DENND5B: variants seen among roughly 807,000 people sequenced by gnomAD.
DENND5B encodes the protein DENN domain-containing protein 5B.
A neutral mutation model predicts 140.6 loss-of-function variants in DENND5B; 34 were observed. That is an observed-to-expected ratio of 0.24 (90% confidence interval 0.18 to 0.32). DENND5B has a LOEUF of 0.32. Ranked by LOEUF, DENND5B falls within the 10% of genes least tolerant of loss-of-function variation. The pLI is 1.00. For synonymous variants in DENND5B, 551 were observed against 562.1 expected, an observed-to-expected ratio of 0.98 and a Z score of 0.28; for missense variants, 1,142 against 1,560.2, an observed-to-expected ratio of 0.73 and a Z score of 4.52.
intron 1 of DENND5B, among the ~76,000 whole-genome samples, chr12:31,568,380 G>A (rs1405185814): frequency 2.6e-5 from 4 of 152,188 alleles, no homozygotes; most frequent in African/African-American, 9.6e-5. Flanking sequence ...TACTCAACCT[G>A]TATTGGGAAT....
At position 31,590,911 on chromosome 12, in the gene DENND5B, C is replaced by T. The variant is rs1950598095; in HGVS notation, c.-79G>A. On this transcript the variant is annotated 5_prime_UTR_variant, in exon 1 of 21. Coordinates refer to ENST00000389082, the MANE Select transcript of DENND5B (RefSeq NM_144973.4). ...GCGGAGGCTGCCACCACCGCTCCGG[C>T]TGTGGTCTGTGCGCCCGCCCTAGGG... is the stretch of plus-strand genomic sequence containing the variant. The T allele has an allele frequency of 4.1e-5, 47 of 1,154,044 alleles. No homozygotes were observed. Among genetic ancestry groups the T allele is most frequent in the Non-Finnish European group, 5.0e-5 (47 of 939,630 alleles). The allele number at this position is 1,154,044 out of a possible 1,614,324, so 71.5% of individuals were successfully genotyped here. A position where few individuals can be genotyped will look rare whatever the true frequency, so the allele number is the denominator to read the frequency against.
At chr12:31,463,877 G>C (rs1029373394) in intron 3 of DENND5B, among the ~76,000 whole-genome samples, 1 of 151,924 alleles carries the variant, frequency 6.6e-6, no homozygotes, top group Non-Finnish European at 1.5e-5. Context: ...CATGTTGGCC[G>C]GGCTGGTCTC....
chr12:31,525,410 A>T (rs1948051769), intron 1 of DENND5B, among the ~76,000 whole-genome samples: 1 of 152,230 alleles, frequency 6.6e-6, no homozygotes, highest in Non-Finnish European at 1.5e-5. Context: ...GAAAATATGC[A>T]AAGTGAAAGA....
intron 14 of DENND5B, among the ~76,000 whole-genome samples, chr12:31,408,282 G>C (rs1028517354): frequency 1.3e-5 from 2 of 151,956 alleles, no homozygotes; most frequent in African/African-American, 4.8e-5. Context: ...CTAGGTGACA[G>C]AGCCAGACAC....
In DENND5B at chr12:31,590,947, GC is replaced by G; in HGVS notation, c.-116del. 1 of 1,084,976 alleles carries G rather than the reference GC, an allele frequency of 9.2e-7. No homozygotes were observed. Among genetic ancestry groups the G allele is most frequent in the East Asian group, 5.1e-5 (1 of 19,706 alleles). The allele number at this position is 1,084,976 out of a possible 1,614,324, so 67.2% of individuals were successfully genotyped here. A position where few individuals can be genotyped will look rare whatever the true frequency, so the allele number is the denominator to read the frequency against. On this transcript the variant is annotated 5_prime_UTR_variant, in exon 1 of 21. The change abolishes the stop of an existing upstream ORF in the 5' untranslated region. Coordinates refer to ENST00000389082, the MANE Select transcript of DENND5B (RefSeq NM_144973.4). ...GCGCCCGCCCTAGGGCGACACTGGC[GC>G]GCCCATGGCCGCGCAGCCGCCTCTC...
chr12:31,441,536 A>G (rs933545125), intron 7 of DENND5B, among the ~76,000 whole-genome samples: 4 of 150,960 alleles, frequency 2.6e-5, no homozygotes, highest in African/African-American at 9.8e-5. Context: ...CAGGCTGGAT[A>G]ATAGTGGTGA....
chr12:31,567,623 T>C (rs1376863797), intron 1 of DENND5B, among the ~76,000 whole-genome samples: 2 of 151,872 alleles, frequency 1.3e-5, no homozygotes, highest in Non-Finnish European at 1.5e-5. Context: ...AGAGTGATAT[T>C]CCTAAGGCTA....
intron 14 of DENND5B, among the ~76,000 whole-genome samples, chr12:31,408,679 T>TTGAATGA (rs1447850886): frequency 5.3e-5 from 8 of 150,900 alleles, no homozygotes; most frequent in African/African-American, 9.7e-5. Flanking sequence ...CCTTCCAAAG[T>TTGAATGA]TGAATGATGT....
chr12:31,402,021 T>C (rs113172280), intron 15 of DENND5B, among the ~76,000 whole-genome samples: 2,496 of 140,452 alleles, frequency 0.018, 71 homozygotes, highest in African/African-American at 0.062. Flanking sequence ...TTGCAACGAG[T>C]GAAGATCACA....
intron 1 of DENND5B, among the ~76,000 whole-genome samples, chr12:31,516,922 G>C (rs1198057626): frequency 1.3e-5 from 2 of 152,184 alleles, no homozygotes; most frequent in Non-Finnish European, 2.9e-5. Context: ...CTGGGCAACA[G>C]AGTGAGACCC....
chr12:31,554,849 T>TCGGC (rs1949214221), intron 1 of DENND5B, among the ~76,000 whole-genome samples: 1 of 152,244 alleles, frequency 6.6e-6, no homozygotes, highest in Non-Finnish European at 1.5e-5. Flanking sequence ...GTTGATCACA[T>TCGGC]TGGCTACTGA....
chr12:31,585,474 A>C (rs763353512), intron 1 of DENND5B, among the ~76,000 whole-genome samples: 2 of 152,196 alleles, frequency 1.3e-5, no homozygotes, highest in Non-Finnish European at 2.9e-5. Flanking sequence ...TATGACATTC[A>C]GTCTGGAATA....
At chr12:31,482,310 A>G (rs1413764347) in intron 2 of DENND5B, among the ~76,000 whole-genome samples, 1 of 152,162 alleles carries the variant, frequency 6.6e-6, no homozygotes, top group Non-Finnish European at 1.5e-5. Flanking sequence ...TTAACTGAGT[A>G]ACTACTTGAC....
At chr12:31,542,441 G>A (rs879663177) in intron 1 of DENND5B, among the ~76,000 whole-genome samples, 2 of 152,144 alleles carry the variant, frequency 1.3e-5, no homozygotes, top group Admixed American at 1.3e-4. Flanking sequence ...CCTAGTATTT[G>A]CTAGCACAAC....
At chr12:31,530,149 G>C (rs1018495863) in intron 1 of DENND5B, among the ~76,000 whole-genome samples, 10 of 152,328 alleles carry the variant, frequency 6.6e-5, no homozygotes, top group African/African-American at 2.4e-4. Context: ...GCGGCGGGCA[G>C]ATCACTTGAG....
chr12:31,475,042 T>C (rs1386582912), intron 3 of DENND5B, among the ~76,000 whole-genome samples: 1 of 152,190 alleles, frequency 6.6e-6, no homozygotes, highest in Non-Finnish European at 1.5e-5. Context: ...TTCTTAGTAG[T>C]ACTACATTAC....
In DENND5B at chr12:31,387,575, T is replaced by C. The variant is rs895534837; in HGVS notation, c.*28A>G. On this transcript the variant is annotated 3_prime_UTR_variant, in exon 21 of 21. Coordinates refer to ENST00000389082, the MANE Select transcript of DENND5B (RefSeq NM_144973.4). ...CCCCTAGTTGGGGAAGGAGCAAGGT[T>C]TGGACTGAGAGTTTCTAGCCAGTTG... is the stretch of plus-strand genomic sequence containing the variant. 6.2e-7 allele frequency: 1 copy of C among 1,605,436 alleles called. No individual in the cohort carries two copies. Among genetic ancestry groups the C allele is most frequent in the Non-Finnish European group, 8.5e-7 (1 of 1,173,756 alleles).
rs1180335443 is a variant in DENND5B, at chr12:31,479,731, G to A, written c.762C>T (p.Val254=). The change falls in exon 3 of 21, where the codon GTC becomes GTT. Residue 254 remains valine (V), a synonymous_variant. Transcript: ENST00000389082. ...SLKFYGVYEP[V]ICQRPGPSEL... ...CACTGGGCCCAGGCCTCTGGCAGAT[G>A]ACAGGTTCATAAACACCATAAAATT... The A allele has an allele frequency of 6.2e-7, 1 of 1,600,724 alleles. No individual in the cohort carries two copies.
Position 31,402,618 on chromosome 12 carries a change from G to T in DENND5B, c.2829C>A (p.Ile943=), listed in dbSNP as rs1481333902. The change falls in exon 15 of 21, where the codon ATC becomes ATA. Residue 943 remains isoleucine, a synonymous_variant. Coordinates refer to ENST00000389082, the MANE Select transcript of DENND5B (RefSeq NM_144973.4). ...TTGCATTGCTCAGCTTTTTGATTGG[G>T]ATGATCACTGACCTATACGGAATCA... ...TIMIPYRSVI[I]PIKKLSNAII... The T allele has an allele frequency of 6.2e-7, 1 of 1,613,528 alleles. No homozygotes were observed. Among genetic ancestry groups the T allele is most frequent in the South Asian group, 1.1e-5 (1 of 90,924 alleles).
Sources: gnomAD v4.1 joint callset for allele counts (sites outside exome capture counted in the v4.1 genomes callset) on GRCh38, gnomAD v4.1.1 for gene constraint, MANE v1.5 for transcripts, NCBI Gene and HGNC (gene_info 2026-07-23, HGNC 2026-07-21) for gene names.